The following CANX variants were observed in gnomAD, a reference collection of about 807,000 sequenced individuals.
CANX encodes epididymis secretory sperm binding protein.
In CANX, 14 loss-of-function variants were observed where a neutral mutation model predicts 75.7. The observed-to-expected ratio is 0.19, with a 90% CI of 0.12 to 0.29. The LOEUF is 0.29. Ranked by LOEUF, CANX falls within the 10% of genes least tolerant of loss-of-function variation. The pLI is 1.00. For synonymous variants in CANX, 227 were observed against 236.9 expected (o/e 0.96, Z 0.38); for missense variants, 567 against 713.2 (o/e 0.79, Z 2.34).
upstream of CANX, chr5:179,694,125 CAA>C (rs1190744258): frequency 2.4e-5 from 3 of 123,926 alleles, no homozygotes; most frequent in East Asian, 5.1e-4. Context: ...GCCTGGGCAA[CAA>C]GAGAGAAACT....
Position 179,684,636 on chromosome 5 carries a change from G to T in CANX, c.-4+5859G>T, listed in dbSNP as rs11249657. ...ATTACAGGCTTGAGCCACCGTGCCC[G>T]GCCAAGCCTTTTTAATTTTAGCCAT... On this transcript the variant is annotated intron_variant, in intron 1 of 14. Transcript: ENST00000681674. Among the ~76,000 whole-genome samples the T allele has an allele frequency of 3.3e-5, 5 of 151,718 alleles. No individual in the cohort carries two copies. In the Admixed American group the frequency reaches 3.3e-4, roughly 10 times the overall value.
intron 14 of CANX, among the ~76,000 whole-genome samples, chr5:179,728,064 TTAAA>T (rs1458793074): frequency 6.6e-6 from 1 of 152,220 alleles, no homozygotes; most frequent in Admixed American, 6.5e-5. Context: ...AATGCAATTC[TTAAA>T]AGTAGAGACC....
intron 5 of CANX, among the ~76,000 whole-genome samples, chr5:179,708,665 T>A (rs1777321149): frequency 6.6e-6 from 1 of 152,158 alleles, no homozygotes; most frequent in African/African-American, 2.4e-5. Context: ...ATTACAAAAC[T>A]AGTAATTAAT....
At chr5:179,708,163 G>A in intron 4 of CANX, 76 bp from the exon 5 acceptor site, 1 of 1,184,636 alleles carries the variant, frequency 8.4e-7, no homozygotes, top group South Asian at 1.2e-5. Flanking sequence ...ATGCAACTAG[G>A]AGGTGTTTTT....
In CANX at chr5:179,705,753, T is replaced by C. The variant is rs1016433380; in HGVS notation, c.72T>C (p.His24=). ...CTATTGTTGAGGCTCATGATGGACA[T>C]GATGATGATGTGATTGATATTGAGG... ...GTAIVEAHDG[H]DDDVIDIEDD... is the part of the protein sequence containing the mutation. The change falls in exon 2 of 15, where the codon CAT becomes CAC. Residue 24 remains histidine, a synonymous_variant. Transcript: ENST00000247461. The C allele has an allele frequency of 3.1e-6, 5 of 1,607,984 alleles. No homozygotes were observed. The highest frequency in any genetic ancestry group is 4.3e-6 in the Non-Finnish European group (5 of 1,174,592).
chr5:179,689,615 C>G (rs922402071), intron 1 of CANX, among the ~76,000 whole-genome samples: 1 of 152,064 alleles, frequency 6.6e-6, no homozygotes, highest in Non-Finnish European at 1.5e-5. Context: ...GTCTCAAACT[C>G]CTGACTTCAG....
intron 1 of CANX, among the ~76,000 whole-genome samples, chr5:179,705,310 A>G (rs1372317143): frequency 6.6e-6 from 1 of 152,192 alleles, no homozygotes; most frequent in Non-Finnish European, 1.5e-5. Context: ...GTAATGTTTT[A>G]ACGGGTACCC....
At chr5:179,714,296 C>T (rs571057786) in intron 7 of CANX, among the ~76,000 whole-genome samples, 3 of 152,176 alleles carry the variant, frequency 2.0e-5, no homozygotes, top group African/African-American at 4.8e-5. Flanking sequence ...CCACTGGGCC[C>T]GTCCAATGAC....
chr5:179,687,195 C>T (rs531720000), intron 1 of CANX, among the ~76,000 whole-genome samples: 7 of 151,810 alleles, frequency 4.6e-5, no homozygotes, highest in Admixed American at 1.3e-4. Flanking sequence ...CTCCACCTCC[C>T]GGGTTCAGGC....
chr5:179,718,013 GC>G (rs1350649302), intron 8 of CANX, among the ~76,000 whole-genome samples: 2 of 151,922 alleles, frequency 1.3e-5, no homozygotes, highest in African/African-American at 4.8e-5. Context: ...ACCACACCTG[GC>G]CTCTTTTCTT....
At chr5:179,701,921 A>G (rs1202779067) in intron 1 of CANX, among the ~76,000 whole-genome samples, 1 of 151,406 alleles carries the variant, frequency 6.6e-6, no homozygotes, top group Non-Finnish European at 1.5e-5. Flanking sequence ...TTTGTATTTT[A>G]GTAGAGACGG....
intron 7 of CANX, among the ~76,000 whole-genome samples, chr5:179,714,475 T>C (rs1777789642): frequency 6.6e-6 from 1 of 152,204 alleles, no homozygotes; most frequent in Non-Finnish European, 1.5e-5. Flanking sequence ...TATACACATA[T>C]ACAACTTTAC....
In CANX at chr5:179,699,227, A is replaced by G. The variant is rs548756803; in HGVS notation, c.-4+125A>G. The G allele has an allele frequency of 5.2e-4, 273 of 524,116 alleles. 1 individual carries two copies. The highest frequency in any genetic ancestry group is 6.2e-4 in the Non-Finnish European group (254 of 407,682). 32.5% of individuals were successfully genotyped at this position (524,116 alleles called of 1,614,324 possible). A position where few individuals can be genotyped will look rare whatever the true frequency, so the allele number is the denominator to read the frequency against. On this transcript the variant is annotated intron_variant, in intron 1 of 14. Transcript: ENST00000247461. Reference sequence around the variant, plus strand: ...GGGTCGGGCTGGCTCTTGAGGGCCCAGGCCCTGGCCGACGCGCCCGCCGTG... The same window carrying G: ...GGGTCGGGCTGGCTCTTGAGGGCCCGGGCCCTGGCCGACGCGCCCGCCGTG...
At chr5:179,705,266 AGCCACGGCGCCCG>A (rs1200420372) in intron 1 of CANX, among the ~76,000 whole-genome samples, 1 of 152,242 alleles carries the variant, frequency 6.6e-6, no homozygotes, top group Non-Finnish European at 1.5e-5. Flanking sequence ...TACAGGCGTG[AGCCACGGCGCCCG>A]GCCATCTCTG....
chr5:179,691,753 C>T, intron 1 of CANX, among the ~76,000 whole-genome samples: 1 of 151,960 alleles, frequency 6.6e-6, no homozygotes, highest in Non-Finnish European at 1.5e-5. Flanking sequence ...CTATATCTCT[C>T]TTCTTTATTA....
At chr5:179,678,835 G>T (rs1336495999) in intron 1 of CANX, 1 of 1,536,916 alleles carries the variant, frequency 6.5e-7, no homozygotes, top group Non-Finnish European at 8.7e-7. Context: ...GCGCCTTCCA[G>T]CCCCAGGCGG....
Position 179,728,688 on chromosome 5 carries a change from C to G in CANX, c.*44C>G, listed in dbSNP as rs745883773. 1.4e-6 allele frequency: 2 copies of G among 1,414,022 alleles called. No individual in the cohort carries two copies. The highest frequency in any genetic ancestry group is 2.0e-6 in the Non-Finnish European group (2 of 998,956). 87.6% of individuals were successfully genotyped at this position (1,414,022 alleles called of 1,614,324 possible). ...ATCTGTGATTTCTTCTCCCTCCTCC[C>G]CTGCAAGAGTGGTCCTAGGAGAGGA... On this transcript the variant is annotated 3_prime_UTR_variant, in exon 15 of 15. Transcript: ENST00000247461.
chr5:179,701,077 A>G (rs1198555018), intron 1 of CANX: 1 of 152,042 alleles, frequency 6.6e-6, no homozygotes, highest in Non-Finnish European at 1.5e-5. Context: ...CGTGTTAGCC[A>G]GGATGGTCTC....
intron 5 of CANX, 108 bp downstream of exon 5, chr5:179,708,488 G>A: frequency 9.8e-7 from 1 of 1,019,850 alleles, no homozygotes; most frequent in Non-Finnish European, 1.4e-6. Context: ...ATAAGTGGTG[G>A]TAGGGATTTT....
Sources: gnomAD v4.1 joint callset for allele counts (sites outside exome capture counted in the v4.1 genomes callset) on GRCh38, gnomAD v4.1.1 for gene constraint, MANE v1.5 for transcripts, NCBI Gene and HGNC (gene_info 2026-07-23, HGNC 2026-07-21) for gene names.